The following PRAMEF19 variants were observed in gnomAD, a reference collection of about 807,000 sequenced individuals.
PRAMEF19 encodes the protein PRAME family member 19.
PRAMEF19 carries 21 observed loss-of-function variants against 33.1 expected under a neutral mutation model. The ratio of observed to expected loss-of-function variants is 0.63; its 90% CI spans 0.45 to 0.91. The LOEUF is 0.91. Among genes scored for constraint, PRAMEF19 ranks in the 40% least tolerant of loss-of-function variants. PRAMEF19 has a pLI of 0.00. For synonymous variants in PRAMEF19, 179 were observed against 229.3 expected, an observed-to-expected ratio of 0.78 and a Z score of 1.98; for missense variants, 481 against 585.2, an observed-to-expected ratio of 0.82 and a Z score of 1.84.
chr1:13,370,946 A>T, exon 2 of PRAMEF19: 1 of 1,613,358 alleles, frequency 6.2e-7, no homozygotes, highest in Admixed American at 1.7e-5. Flanking sequence ...TAGAATGTTC[A>T]TTGAATAATT....
At chr1:13,370,620 C>A (rs2100383151) in intron 2 of PRAMEF19, 29 bp downstream of exon 2, 4 of 1,613,564 alleles carry the variant, frequency 2.5e-6, no homozygotes, top group Middle Eastern at 3.4e-4. Flanking sequence ...TGCTGTGTCC[C>A]CCAGAGAAAG....
At chr1:13,370,445 T>C (rs4026261) in intron 2 of PRAMEF19, among the ~76,000 whole-genome samples, 6,942 of 149,138 alleles carry the variant, frequency 0.047, 313 homozygotes, top group East Asian at 0.26. Flanking sequence ...GTAGCGTCTA[T>C]GCCAGGTCAT....
At chr1:13,370,829 C>A (rs1640662250) in exon 2 of PRAMEF19, 2 of 1,613,980 alleles carry the variant, frequency 1.2e-6, no homozygotes, top group African/African-American at 2.7e-5. Context: ...CTTCATCTGG[C>A]TCAGGTAACG....
exon 1 of PRAMEF19, chr1:13,371,638 A>C: frequency 6.2e-7 from 1 of 1,610,784 alleles, no homozygotes; most frequent in Non-Finnish European, 8.5e-7. Context: ...TTGGGCAAGC[A>C]GGCAATCAAT....
chr1:13,369,398 A>C, exon 3 of PRAMEF19: 1 of 1,612,752 alleles, frequency 6.2e-7, no homozygotes, highest in Non-Finnish European at 8.5e-7. Context: ...CAGGGCAGGC[A>C]GGATGACCCT....
chr1:13,369,418 G>A, exon 3 of PRAMEF19: 1 of 1,613,272 alleles, frequency 6.2e-7, no homozygotes, highest in Non-Finnish European at 8.5e-7. Flanking sequence ...TGAGTTTGGA[G>A]TCCCCAATCC....
chr1:13,370,935 T>G (rs1640663873), exon 2 of PRAMEF19: 1 of 1,613,734 alleles, frequency 6.2e-7, no homozygotes, highest in Non-Finnish European at 8.5e-7. Flanking sequence ...TTTCTGAAAT[T>G]TAGAATGTTC....
chr1:13,369,227 G>A (rs12123403), exon 3 of PRAMEF19: 356 of 1,611,590 alleles, frequency 2.2e-4, no homozygotes, highest in Non-Finnish European at 2.5e-4. Flanking sequence ...GAGGAGCTCC[G>A]AAATGACACG....
At chr1:13,368,848 T>TTA (rs1173744492), downstream of PRAMEF19, among the ~76,000 whole-genome samples, 2 of 152,148 alleles carry the variant, frequency 1.3e-5, no homozygotes, top group African/African-American at 4.8e-5. Flanking sequence ...GCACAGCTGC[T>TTA]TATGCCTGTA....
chr1:13,371,813 C>T (rs1640675911), exon 1 of PRAMEF19: 3 of 1,611,938 alleles, frequency 1.9e-6, no homozygotes, highest in South Asian at 1.1e-5. Context: ...CTGGGCAGCT[C>T]ATCCAGGACG....
In PRAMEF19 at chr1:13,369,491, G is replaced by T. The variant is rs1474875467; in HGVS notation, c.1016C>A (p.Pro339His). ...AACTTTCTCTAGCAGAGCTCGGAGGGGCTCAAGACGGATGAAGCGCAGTGT... is the reference window on the plus strand; with the variant it reads ...AACTTTCTCTAGCAGAGCTCGGAGGTGCTCAAGACGGATGAAGCGCAGTGT... The change falls in exon 3 of 3, where the codon CCC (proline) becomes CAC (histidine). Residue 339 changes from proline (P) to histidine (H), a missense_variant. Transcript: ENST00000376101. 614 of 1,613,946 alleles carry T rather than the reference G, an allele frequency of 3.8e-4. 1 individual carries two copies. The highest frequency in any genetic ancestry group is 4.9e-4 in the Non-Finnish European group (583 of 1,179,858).
exon 3 of PRAMEF19, chr1:13,369,267 C>T (rs1303254746): frequency 1.9e-6 from 3 of 1,612,048 alleles, no homozygotes; most frequent in African/African-American, 1.3e-5. Context: ...TCCCGAGGGG[C>T]AGGATATGTT....
exon 3 of PRAMEF19, chr1:13,369,411 G>C (rs778437947): frequency 1.2e-6 from 2 of 1,613,152 alleles, no homozygotes; most frequent in East Asian, 2.2e-5. Flanking sequence ...ATGACCCTGA[G>C]TTTGGAGTCC....
At chr1:13,370,444 A>G (rs1390457933) in intron 2 of PRAMEF19, among the ~76,000 whole-genome samples, 1 of 152,152 alleles carries the variant, frequency 6.6e-6, no homozygotes, top group South Asian at 2.1e-4. Flanking sequence ...TGTAGCGTCT[A>G]TGCCAGGTCA....
chr1:13,371,594 C>T lies in PRAMEF19; in HGVS notation c.287+20G>A. The stretch of plus-strand genomic sequence containing the variant: ...CTTAGTCCCTGGACACCTGGGCCCT[C>T]CCCACCTGGGTCACCTCACCTGGGG... On this transcript the variant is annotated intron_variant, in intron 1 of 2. Coordinates refer to ENST00000376101, the Ensembl canonical transcript of PRAMEF19. The T allele has an allele frequency of 6.2e-7, 1 of 1,610,560 alleles. No homozygotes were observed. Among genetic ancestry groups the T allele is most frequent in the Non-Finnish European group, 8.5e-7 (1 of 1,179,644 alleles).
In PRAMEF19 at chr1:13,370,917, C is replaced by A; in HGVS notation, c.598G>T (p.Glu200Ter). Residue 200 changes from glutamate to a stop codon, truncating the protein, a stop_gained, in exon 2 of 3, where the codon GAA (glutamate) becomes TAA (stop). Coordinates refer to ENST00000376101, the Ensembl canonical transcript of PRAMEF19. LOFTEE classifies it high-confidence loss of function. ...TGGATACTGTCTGGGTATACTGTTT[C>A]TAATATGTTTCTGAAATTTAGAATG... The A allele has an allele frequency of 1.2e-6, 2 of 1,613,886 alleles. No individual in the cohort carries two copies. The highest frequency in any genetic ancestry group is 1.7e-6 in the Non-Finnish European group (2 of 1,179,858).
At chr1:13,369,771 G>T (rs887798603) in intron 2 of PRAMEF19, 131 bp from the exon 3 acceptor site, 8 of 1,245,074 alleles carry the variant, frequency 6.4e-6, no homozygotes, top group South Asian at 2.8e-5. Context: ...TGGTCCTCCC[G>T]CAAGGTGCTG....
In PRAMEF19 at chr1:13,371,713, CA is replaced by C; in HGVS notation, c.187del (p.Cys63AlafsTer7). ...CTTCATCAGGGACCCCAGAGGGAGG[CA>C]GGGGAAGGGCCAGGCCTGCACCATC... On this transcript the variant is annotated frameshift_variant, in exon 1 of 3. Coordinates refer to ENST00000376101, the Ensembl canonical transcript of PRAMEF19. LOFTEE classifies it high-confidence loss of function. 6.2e-7 allele frequency: 1 copy of C among 1,609,208 alleles called. No homozygotes were observed. Among genetic ancestry groups the C allele is most frequent in the Non-Finnish European group, 8.5e-7 (1 of 1,178,724 alleles).
chr1:13,370,732 A>G lies in PRAMEF19; in HGVS notation c.783T>C (p.Ser261=). Reference sequence around the variant, plus strand: ...GGAGGTACTCCAGCCTGAGGAACACAGAGCTGAATTCAGCAACTAACTGTC... The same window carrying G: ...GGAGGTACTCCAGCCTGAGGAACACGGAGCTGAATTCAGCAACTAACTGTC... The change falls in exon 2 of 3, where the codon TCT becomes TCC. Residue 261 remains serine (S), a synonymous_variant. Transcript: ENST00000376101. 4.3e-6 allele frequency: 7 copies of G among 1,613,966 alleles called. No individual in the cohort carries two copies. In the South Asian group the frequency reaches 7.7e-5, roughly 18 times the overall value.
Sources: allele counts gnomAD v4.1 joint callset (sites outside exome capture counted in the v4.1 genomes callset), GRCh38; gene constraint gnomAD v4.1.1; transcripts MANE v1.5; gene names NCBI Gene and HGNC (gene_info 2026-07-23, HGNC 2026-07-21).